Variants in ATP5MJ observed in about 807,000 individuals in gnomAD.
The protein encoded by ATP5MJ is ATP synthase F(0) complex subunit j, mitochondrial.
A neutral mutation model predicts 8.3 loss-of-function variants in ATP5MJ; 4 were observed. The ratio of observed to expected loss-of-function variants is 0.48; its 90% CI spans 0.24 to 1.11. The LOEUF (loss-of-function observed/expected upper bound fraction) is 1.11, where lower values mean the gene tolerates loss of function less well. ATP5MJ is among the 50% of genes least tolerant of loss of function. The pLI, the probability that ATP5MJ is intolerant of heterozygous loss-of-function variation, is 0.18. For missense variants in ATP5MJ, 66 were observed against 71.8 expected (o/e 0.92, Z 0.29); for synonymous variants, 23 against 21.3 (o/e 1.08, Z -0.23).
intron 1 of ATP5MJ, among the ~76,000 whole-genome samples, chr14:103,916,613 A>T (rs1315838008): frequency 6.6e-6 from 1 of 152,082 alleles, no homozygotes; most frequent in Non-Finnish European, 1.5e-5. Context: ...TTGCCTGGCT[A>T]ATTTTTTATG....
chr14:103,914,211 TA>T (rs1048114818), intron 2 of ATP5MJ: 16 of 578,080 alleles, frequency 2.8e-5, no homozygotes, highest in Admixed American at 1.3e-4. Context: ...TACAATGTCC[TA>T]AACTTTAGTC....
intron 1 of ATP5MJ, chr14:103,920,941 T>G (rs2152108486): frequency 6.5e-7 from 1 of 1,550,104 alleles, no homozygotes; most frequent in East Asian, 2.4e-5. Context: ...AACTATTACC[T>G]GACACTGGAA....
chr14:103,912,470 C>A lies in ATP5MJ; in HGVS notation c.*196G>T, dbSNP rs748927431. 3 of 628,910 alleles carry A rather than the reference C, an allele frequency of 4.8e-6. No individual in the cohort carries two copies. The African/African-American group carries it at 5.4e-5, about 11-fold the overall frequency. The allele number at this position is 628,910 out of a possible 1,614,324, so 39.0% of individuals were successfully genotyped here. A position where few individuals can be genotyped will look rare whatever the true frequency, so the allele number is the denominator to read the frequency against. On this transcript the variant is annotated 3_prime_UTR_variant, in exon 4 of 4. Coordinates refer to ENST00000286953, the MANE Select transcript of ATP5MJ (RefSeq NM_004894.3). ...TCTACTCAGAGTATGCCTGACACGC[C>A]GGAGGGGCTGAGGGGGAACACACTG...
At chr14:103,917,912 C>G (rs569612474) in intron 1 of ATP5MJ, 1 of 152,222 alleles carries the variant, frequency 6.6e-6, no homozygotes, top group Non-Finnish European at 1.5e-5. Flanking sequence ...CTCCTGATGA[C>G]GAGAACCTAC....
intron 1 of ATP5MJ, among the ~76,000 whole-genome samples, chr14:103,915,857 C>T (rs2087621631): frequency 6.6e-6 from 1 of 152,076 alleles, no homozygotes; most frequent in African/African-American, 2.4e-5. Flanking sequence ...CACCTTTGGC[C>T]ATCCTAGCCA....
At chr14:103,914,580 T>C (rs747749027) in intron 2 of ATP5MJ, 4 of 686,020 alleles carry the variant, frequency 5.8e-6, no homozygotes, top group Non-Finnish European at 8.0e-6. Flanking sequence ...ATTGGAGGAC[T>C]GCTTGAGCCC....
intron 1 of ATP5MJ, among the ~76,000 whole-genome samples, chr14:103,916,929 C>T (rs1485674117): frequency 6.6e-6 from 1 of 152,088 alleles, no homozygotes; most frequent in East Asian, 1.9e-4. Flanking sequence ...GCACTGAATC[C>T]TTCACAAGCC....
At chr14:103,915,832 A>G (rs368243427) in intron 1 of ATP5MJ, among the ~76,000 whole-genome samples, 61 of 151,654 alleles carry the variant, frequency 4.0e-4, no homozygotes, top group African/African-American at 1.4e-3. Context: ...ACCCATCCCC[A>G]GGGCCCCCTC....
intron 3 of ATP5MJ, chr14:103,913,759 C>A: frequency 1.6e-6 from 1 of 623,828 alleles, no homozygotes; most frequent in Non-Finnish European, 2.8e-6. Flanking sequence ...TTTACTTGAT[C>A]CACTTGACTA....
intron 1 of ATP5MJ, among the ~76,000 whole-genome samples, chr14:103,918,752 G>A (rs1349088719): frequency 6.6e-6 from 1 of 152,112 alleles, no homozygotes; most frequent in Non-Finnish European, 1.5e-5. Flanking sequence ...GCCGGGAGCG[G>A]TAGCTCACGC....
chr14:103,915,909 C>T (rs1354437594), intron 1 of ATP5MJ, among the ~76,000 whole-genome samples: 1 of 152,146 alleles, frequency 6.6e-6, no homozygotes, highest in Non-Finnish European at 1.5e-5. Context: ...AGCACCTCTC[C>T]CACCCTGATG....
chr14:103,920,114 C>T (rs530558752), intron 1 of ATP5MJ, among the ~76,000 whole-genome samples: 29 of 149,266 alleles, frequency 1.9e-4, no homozygotes, highest in Admixed American at 8.7e-4. Flanking sequence ...CGTGAACCAC[C>T]GCGTCCGGCC....
At chr14:103,919,834 C>T (rs909658529) in intron 1 of ATP5MJ, among the ~76,000 whole-genome samples, 1 of 151,096 alleles carries the variant, frequency 6.6e-6, no homozygotes, top group African/African-American at 2.4e-5. Context: ...GAGGGCCCCC[C>T]CTTTTTTTTT....
chr14:103,916,700 C>G (rs1279075760), intron 1 of ATP5MJ, among the ~76,000 whole-genome samples: 3 of 152,148 alleles, frequency 2.0e-5, no homozygotes, highest in Non-Finnish European at 4.4e-5. Flanking sequence ...AAGCCATGAT[C>G]ACACCACTGC....
chr14:103,920,338 TAGTC>T (rs1567187372), intron 1 of ATP5MJ, among the ~76,000 whole-genome samples: 3 of 150,228 alleles, frequency 2.0e-5, no homozygotes, highest in Non-Finnish European at 4.4e-5. Context: ...TTCACCGTGT[TAGTC>T]AGGATGGTCT....
rs2087629566 is a variant in ATP5MJ, at chr14:103,916,843, C to G, written c.1-1654G>C. 3.3e-5 allele frequency among the ~76,000 whole-genome samples: 5 copies of G among 152,280 alleles called. No homozygotes were observed. The South Asian group carries it at 1.0e-3, about 32-fold the overall frequency. The stretch of plus-strand genomic sequence containing the variant: ...TCACTGCTCCTTTCACATCACTGCT[C>G]AGGATCCAAAGAATCCGAATGCTCG... On this transcript the variant is annotated intron_variant, in intron 1 of 3. Transcript: ENST00000286953.
intron 2 of ATP5MJ, chr14:103,914,853 A>AG (rs1445117844): frequency 3.8e-5 from 17 of 450,710 alleles, no homozygotes; most frequent in Middle Eastern, 6.5e-4. Context: ...AAAAAAAAAA[A>AG]AAAAGAAAAG....
chr14:103,918,241 G>A (rs372119216), intron 1 of ATP5MJ: 20 of 152,382 alleles, frequency 1.3e-4, no homozygotes, highest in African/African-American at 4.3e-4. Context: ...CAACGACTGG[G>A]AAGGAAGCAT....
At chr14:103,917,494 C>T (rs149605302) in intron 1 of ATP5MJ, among the ~76,000 whole-genome samples, 185 of 151,482 alleles carry the variant, frequency 1.2e-3, no homozygotes, top group African/African-American at 4.1e-3. Flanking sequence ...TTTTGTTTCC[C>T]GTTTTGACAA....
Sources: gnomAD v4.1 joint callset for allele counts (sites outside exome capture counted in the v4.1 genomes callset) on GRCh38, gnomAD v4.1.1 for gene constraint, MANE v1.5 for transcripts, NCBI Gene and HGNC (gene_info 2026-07-23, HGNC 2026-07-21) for gene names.